Variants in GPC5 observed in about 807,000 individuals in gnomAD.
The protein encoded by GPC5 is glypican 5.
Under a neutral mutation model 53.9 loss-of-function variants are expected in GPC5, and 47 were observed. The ratio of observed to expected loss-of-function variants is 0.87; its 90% CI spans 0.69 to 1.11. The LOEUF (loss-of-function observed/expected upper bound fraction) is 1.11, where lower values mean the gene tolerates loss of function less well. Among genes scored for constraint, GPC5 ranks in the 50% most tolerant of loss-of-function variants. The pLI is 0.00. For synonymous variants in GPC5, 286 were observed against 263.3 expected (o/e 1.09, Z -0.84); for missense variants, 748 against 713.1 (o/e 1.05, Z -0.56).
chr13:92,255,525 A>T, intron 7 of GPC5, among the ~76,000 whole-genome samples: 1 of 152,284 alleles, frequency 6.6e-6, no homozygotes. Flanking sequence ...ATAATGGCAT[A>T]TATCTTTTAA....
chr13:92,591,171 C>T (rs970384650), intron 7 of GPC5, among the ~76,000 whole-genome samples: 5 of 152,188 alleles, frequency 3.3e-5, no homozygotes, highest in African/African-American at 1.2e-4. Context: ...CAATCAGATA[C>T]TTAAAACCAT....
intron 7 of GPC5, among the ~76,000 whole-genome samples, chr13:92,493,823 C>G (rs1359608856): frequency 1.3e-5 from 2 of 152,180 alleles, no homozygotes; most frequent in African/African-American, 2.4e-5. Context: ...ATACCCTCAC[C>G]TGCAATGTAG....
At chr13:92,157,010 A>G (rs1237238459) in intron 7 of GPC5, among the ~76,000 whole-genome samples, 1 of 152,162 alleles carries the variant, frequency 6.6e-6, no homozygotes, top group African/African-American at 2.4e-5. Context: ...TTTAATGAAC[A>G]ATGCTACAAG....
intron 2 of GPC5, among the ~76,000 whole-genome samples, chr13:91,634,947 G>T (rs2034250359): frequency 6.6e-6 from 1 of 152,010 alleles, no homozygotes; most frequent in South Asian, 2.1e-4. Context: ...TTAACTACTT[G>T]TTCTCCCTCA....
chr13:91,492,882 C>A (rs1335560713), intron 2 of GPC5, among the ~76,000 whole-genome samples: 10 of 152,078 alleles, frequency 6.6e-5, no homozygotes, highest in Admixed American at 6.6e-4. Flanking sequence ...TAGAAATAAC[C>A]AAAACAACTC....
At chr13:91,871,505 A>G (rs2039143933) in intron 5 of GPC5, among the ~76,000 whole-genome samples, 1 of 152,196 alleles carries the variant, frequency 6.6e-6, no homozygotes, top group Non-Finnish European at 1.5e-5. Context: ...AATCTAAAAA[A>G]AAGGTTAAAA....
rs752023931 is a variant in GPC5, at chr13:91,448,929, G to A, written c.325+7G>A. Reference sequence around the variant, plus strand: ...AATGCGGCTGCTTTTCAAGGTAAGTGGATCTTGAATTCTGCAACTAAGGAC... The same window carrying A: ...AATGCGGCTGCTTTTCAAGGTAAGTAGATCTTGAATTCTGCAACTAAGGAC... On this transcript the variant is annotated splice_region_variant and intron_variant, in intron 2 of 7. Coordinates refer to ENST00000377067, the MANE Select transcript of GPC5 (RefSeq NM_004466.6). 1.9e-6 allele frequency: 3 copies of A among 1,611,246 alleles called. No homozygotes were observed. The Admixed American group carries it at 5.0e-5, about 27-fold the overall frequency.
chr13:91,963,529 T>C (rs1162591426), intron 6 of GPC5, among the ~76,000 whole-genome samples: 1 of 152,146 alleles, frequency 6.6e-6, no homozygotes, highest in Non-Finnish European at 1.5e-5. Context: ...TTGGTATCTA[T>C]TGTTGGAAGT....
intron 7 of GPC5, among the ~76,000 whole-genome samples, chr13:92,705,673 T>G (rs1887923774): frequency 6.6e-6 from 1 of 152,164 alleles, no homozygotes; most frequent in Non-Finnish European, 1.5e-5. Flanking sequence ...ATTATATATG[T>G]GACTTGCATT....
chr13:92,091,552 T>C (rs1012817761), intron 6 of GPC5, among the ~76,000 whole-genome samples: 2 of 152,122 alleles, frequency 1.3e-5, no homozygotes, highest in Non-Finnish European at 2.9e-5. Flanking sequence ...TGCTATAATA[T>C]ACCAGTCCCT....
intron 7 of GPC5, among the ~76,000 whole-genome samples, chr13:92,151,156 A>G (rs1392871415): frequency 3.3e-5 from 5 of 152,056 alleles, no homozygotes; most frequent in Admixed American, 2.0e-4. Context: ...GGAAGTAGTC[A>G]TTTTCTTATT....
chr13:92,019,409 A>ATG (rs1205711017), intron 6 of GPC5, among the ~76,000 whole-genome samples: 1 of 152,058 alleles, frequency 6.6e-6, no homozygotes, highest in East Asian at 1.9e-4. Context: ...GTGTATGTGA[A>ATG]TGTGTGTGTG....
At chr13:92,513,022 C>A (rs1880632077) in intron 7 of GPC5, among the ~76,000 whole-genome samples, 1 of 152,218 alleles carries the variant, frequency 6.6e-6, no homozygotes, top group Non-Finnish European at 1.5e-5. Context: ...GTCCTCCATG[C>A]AGATGTGATG....
At chr13:91,446,149 A>G (rs764277790) in intron 1 of GPC5, among the ~76,000 whole-genome samples, 10 of 151,930 alleles carry the variant, frequency 6.6e-5, no homozygotes, top group Non-Finnish European at 1.3e-4. Flanking sequence ...TTATGTGGAG[A>G]TTTGGAGATA....
intron 7 of GPC5, among the ~76,000 whole-genome samples, chr13:92,787,609 G>T (rs777797896): frequency 6.9e-6 from 1 of 145,272 alleles, no homozygotes; most frequent in African/African-American, 2.6e-5. Context: ...AGGCAGGAGG[G>T]TCACTTTGAG....
intron 7 of GPC5, among the ~76,000 whole-genome samples, chr13:92,751,319 A>AC (rs1191434043): frequency 6.8e-5 from 10 of 147,538 alleles, no homozygotes; most frequent in Admixed American, 1.4e-4. Context: ...AAAAAAAAAA[A>AC]AAAAAAAAAA....
chr13:92,381,905 A>C (rs1466383164), intron 7 of GPC5, among the ~76,000 whole-genome samples: 2 of 134,130 alleles, frequency 1.5e-5, no homozygotes, highest in South Asian at 4.4e-4. Flanking sequence ...ATAATCATAT[A>C]TATGATATAT....
At chr13:92,337,309 G>A (rs2043331741) in intron 7 of GPC5, among the ~76,000 whole-genome samples, 1 of 152,036 alleles carries the variant, frequency 6.6e-6, no homozygotes. Context: ...CTACACAAAT[G>A]GAGAGATAGT....
chr13:92,602,847 G>T (rs1437979049), intron 7 of GPC5, among the ~76,000 whole-genome samples: 1 of 148,160 alleles, frequency 6.7e-6, no homozygotes, highest in Non-Finnish European at 1.5e-5. Flanking sequence ...TCATAGTTTT[G>T]ATTTTTTTTT....
Sources: allele counts gnomAD v4.1 joint callset (sites outside exome capture counted in the v4.1 genomes callset), GRCh38; gene constraint gnomAD v4.1.1; transcripts MANE v1.5; gene names NCBI Gene and HGNC (gene_info 2026-07-23, HGNC 2026-07-21).